MAN2B2: variants seen among roughly 807,000 people sequenced by gnomAD.
MAN2B2 encodes the protein epididymis-specific alpha-mannosidase.
Under a neutral mutation model 117.1 loss-of-function variants are expected in MAN2B2, and 106 were observed. The observed-to-expected ratio is 0.90, with a 90% confidence interval of 0.77 to 1.06. MAN2B2 has a LOEUF of 1.06. Ranked by LOEUF, MAN2B2 falls within the 50% of genes least tolerant of loss-of-function variation. MAN2B2 has a pLI of 0.00. For missense variants in MAN2B2, 1,326 were observed against 1,381.4 expected (o/e 0.96, Z 0.64); for synonymous variants, 544 against 595.1 (o/e 0.91, Z 1.25).
rs140525110 is a variant in MAN2B2 at position 6,617,425 on chromosome 4, G to A, written c.2747G>A (p.Arg916Gln). The A allele has an allele frequency of 6.1e-5, 99 of 1,614,120 alleles. No homozygotes were observed. The highest frequency in any genetic ancestry group is 3.3e-4 in the Middle Eastern group (2 of 6,060). Residue 916 changes from arginine (R) to glutamine (Q), a missense_variant, in exon 17 of 19, where the codon CGG becomes CAG. By Grantham distance (43) the Arg-to-Gln change is conservative. Coordinates refer to ENST00000285599, the MANE Select transcript of MAN2B2 (RefSeq NM_015274.3). Reference protein sequence around the residue: ...AQADLRRVLLRLYHLYEVGED... With the variant: ...AQADLRRVLLQLYHLYEVGED... ...GCTGACCTCCGCCGTGTCCTGCTGCGGCTCTACCACCTATATGAAGTGGGC... is the reference window on the plus strand; with the variant it reads ...GCTGACCTCCGCCGTGTCCTGCTGCAGCTCTACCACCTATATGAAGTGGGC...
chr4:6,600,481 C>A, intron 9 of MAN2B2, 142 bp from the exon 10 acceptor site: 2 of 944,078 alleles, frequency 2.1e-6, no homozygotes, highest in Non-Finnish European at 3.2e-6. Context: ...TGTTGGCCTG[C>A]CCCCTTCCTG....
intron 3 of MAN2B2, among the ~76,000 whole-genome samples, chr4:6,584,455 G>A (rs768332220): frequency 4.6e-5 from 7 of 152,176 alleles, no homozygotes; most frequent in Non-Finnish European, 8.8e-5. Flanking sequence ...TAAAATGTTA[G>A]CATTTATTTG....
At chr4:6,594,496 C>T in intron 6 of MAN2B2, 38 bp from the exon 7 acceptor site, 1 of 1,591,994 alleles carries the variant, frequency 6.3e-7, no homozygotes, top group African/African-American at 1.3e-5. Flanking sequence ...GAGCGCCCTG[C>T]TCCCACGGCA....
Position 6,617,463 on chromosome 4 carries a change from C to G in MAN2B2, c.2785C>G (p.Leu929Val). The G allele has an allele frequency of 6.2e-7, 1 of 1,614,110 alleles. No homozygotes were observed. Among genetic ancestry groups the G allele is most frequent in the Non-Finnish European group, 8.5e-7 (1 of 1,179,994 alleles). ...HLYEVGEDPVLSQPVTVNLEA... is the reference protein window; with the variant it reads ...HLYEVGEDPVVSQPVTVNLEA... ...ATATGAAGTGGGCGAGGACCCAGTC[C>G]TGTCTCAGCCAGTGACAGTGAATCT... Residue 929 changes from leucine to valine, a missense_variant, in exon 17 of 19, where the codon CTG becomes GTG. Leu to Val is a conservative substitution (Grantham distance 32, BLOSUM62 1). Coordinates refer to ENST00000285599, the MANE Select transcript of MAN2B2 (RefSeq NM_015274.3).
At chr4:6,615,291 C>T (rs1230674680) in intron 16 of MAN2B2, among the ~76,000 whole-genome samples, 1 of 151,944 alleles carries the variant, frequency 6.6e-6, no homozygotes, top group African/African-American at 2.4e-5. Context: ...CCTGCTTTCC[C>T]AGGCACCTGC....
chr4:6,585,072 C>T (rs932212297), intron 3 of MAN2B2, among the ~76,000 whole-genome samples: 4 of 152,108 alleles, frequency 2.6e-5, no homozygotes, highest in African/African-American at 7.2e-5. Flanking sequence ...TGCTCCTTCT[C>T]CATCCTCTCT....
intron 17 of MAN2B2, chr4:6,617,785 A>C: frequency 3.1e-6 from 1 of 322,016 alleles, no homozygotes; most frequent in Non-Finnish European, 5.7e-6. Context: ...GGCTCAAGTG[A>C]TCCTCCCACC....
intron 11 of MAN2B2, among the ~76,000 whole-genome samples, chr4:6,608,657 C>T (rs1039742519): frequency 3.3e-5 from 5 of 152,192 alleles, no homozygotes; most frequent in African/African-American, 1.2e-4. Context: ...GATGGGTTAA[C>T]AGTCCCTGCC....
rs1577299544 is a variant in MAN2B2 at position 6,619,545 on chromosome 4, G to A, written c.2815-382G>A. On this transcript the variant is annotated intron_variant, in intron 17 of 18. Coordinates refer to ENST00000285599, the MANE Select transcript of MAN2B2 (RefSeq NM_015274.3). ...AAGGGAGGCTGGGACAAGGCCTATT[G>A]GGAAAGGGGGATGGGGTAACTGTGG... 1.5e-5 allele frequency: 3 copies of A among 199,732 alleles called. No homozygotes were observed. In the East Asian group the frequency reaches 4.0e-4, roughly 27 times the overall value. 12.4% of individuals were successfully genotyped at this position (199,732 alleles called of 1,614,324 possible). A position where few individuals can be genotyped will look rare whatever the true frequency, so the allele number is the denominator to read the frequency against.
chr4:6,592,874 A>G (rs1430016932), intron 5 of MAN2B2, among the ~76,000 whole-genome samples: 1 of 152,134 alleles, frequency 6.6e-6, no homozygotes, highest in African/African-American at 2.4e-5. Flanking sequence ...ATTTATCTCA[A>G]CTACTAAGAA....
intron 13 of MAN2B2, 31 bp from the exon 14 acceptor site, chr4:6,610,849 A>G (rs773171267): frequency 1.1e-5 from 18 of 1,607,234 alleles, no homozygotes; most frequent in South Asian, 5.5e-5. Context: ...CTTTGCCCCA[A>G]TCGCCCACCT....
Position 6,609,190 on chromosome 4 carries a change from A to G in MAN2B2, c.1898A>G (p.Asp633Gly). ...GATGTGAAACAGGGCCCCATTTCCG[A>G]TAACTACCTGTTCACACCGGGCAAG... ...NGDVKQGPIS[D>G]NYLFTPGKAA... is the part of the protein sequence containing the mutation. Residue 633 changes from aspartate (D) to glycine (G), a missense_variant, in exon 12 of 19, where the codon GAT (aspartate) becomes GGT (glycine). Transcript: ENST00000285599. The G allele has an allele frequency of 1.2e-6, 2 of 1,614,200 alleles. No individual in the cohort carries two copies. The highest frequency in any genetic ancestry group is 1.1e-5 in the South Asian group (1 of 91,080).
chr4:6,584,771 G>C (rs985499644), intron 3 of MAN2B2, among the ~76,000 whole-genome samples: 3 of 152,202 alleles, frequency 2.0e-5, no homozygotes, highest in Non-Finnish European at 4.4e-5. Flanking sequence ...CCAGCTGCCA[G>C]ACAGAGAGAA....
intron 3 of MAN2B2, among the ~76,000 whole-genome samples, chr4:6,580,396 T>C (rs1386858136): frequency 6.6e-6 from 1 of 152,162 alleles, no homozygotes; most frequent in African/African-American, 2.4e-5. Flanking sequence ...CACTCCCCCA[T>C]GTGAAGTGTG....
rs747024761 is a variant in MAN2B2 at position 6,617,385 on chromosome 4, C to T, written c.2707C>T (p.Arg903Ter). The change falls in exon 17 of 19, where the codon CGA (arginine) becomes TGA (stop). Residue 903 changes from arginine (R) to a stop codon, truncating the protein, a stop_gained. Coordinates refer to ENST00000285599, the MANE Select transcript of MAN2B2 (RefSeq NM_015274.3). LOFTEE classifies it high-confidence loss of function. The stretch of plus-strand genomic sequence containing the variant: ...CCTTCCTTCTGTCCCCAAAGGCCAT[C>T]GAGGGGAAGCCCAGGCTGACCTCCG... ...EHSQNLRKGHRGEAQADLRRV... is the reference protein window; with the variant it reads ...EHSQNLRKGH 6.8e-6 allele frequency: 11 copies of T among 1,613,684 alleles called. No homozygotes were observed. In the East Asian group the frequency reaches 8.9e-5, roughly 13 times the overall value.
Position 6,605,064 on chromosome 4 carries a change from T to G in MAN2B2, c.1549T>G (p.Ser517Ala). 6.2e-7 allele frequency: 1 copy of G among 1,611,970 alleles called. No homozygotes were observed. Among genetic ancestry groups the G allele is most frequent in the South Asian group, 1.1e-5 (1 of 91,040 alleles). ...GHPVPSQIQN[S>A]TETPSAYDLL... ...CCTGCTGGCCTTGCAGATCCAGAAC[T>G]CAACAGAGACCCCATCTGCGTATGA... is the stretch of plus-strand genomic sequence containing the variant. Residue 517 changes from serine to alanine, a missense_variant, in exon 11 of 19, where the codon TCA (serine) becomes GCA (alanine). Coordinates refer to ENST00000285599, the MANE Select transcript of MAN2B2 (RefSeq NM_015274.3).
intron 16 of MAN2B2, among the ~76,000 whole-genome samples, chr4:6,615,818 C>A (rs1165463019): frequency 1.3e-5 from 2 of 150,318 alleles, no homozygotes; most frequent in African/African-American, 4.9e-5. Flanking sequence ...TTTTTTTTTT[C>A]TTTGAGACAG....
chr4:6,579,114 CCAT>C (rs1560634442), intron 3 of MAN2B2, among the ~76,000 whole-genome samples: 1,375 of 64,186 alleles, frequency 0.021, 43 homozygotes, highest in East Asian at 0.048. Flanking sequence ...ACCACCATCA[CCAT>C]CACCACTACC....
At chr4:6,596,846 C>G (rs984816371) in intron 7 of MAN2B2, among the ~76,000 whole-genome samples, 3 of 152,192 alleles carry the variant, frequency 2.0e-5, no homozygotes. Flanking sequence ...TTCAGCACCC[C>G]ACCCCACCTG....
Sources: gnomAD v4.1 joint callset for allele counts (sites outside exome capture counted in the v4.1 genomes callset) on GRCh38, gnomAD v4.1.1 for gene constraint, MANE v1.5 for transcripts, NCBI Gene and HGNC (gene_info 2026-07-23, HGNC 2026-07-21) for gene names.